Variants in WDR19 observed in about 807,000 individuals in gnomAD.
WDR19 encodes WD repeat-containing protein 19.
Under a neutral mutation model 180.0 loss-of-function variants are expected in WDR19, and 121 were observed. That is an observed-to-expected ratio of 0.67 (90% confidence interval 0.58 to 0.78). The LOEUF is 0.78. Ranked by LOEUF, WDR19 falls within the 30% of genes least tolerant of loss-of-function variation. The pLI is 0.00. For missense variants in WDR19, 1,450 were observed against 1,640.7 expected (o/e 0.88, Z 2.01); for synonymous variants, 497 against 540.7 (o/e 0.92, Z 1.12).
chr4:39,282,305 T>C (rs1736618498), intron 36 of WDR19, among the ~76,000 whole-genome samples: 1 of 152,250 alleles, frequency 6.6e-6, no homozygotes, highest in South Asian at 2.1e-4. Flanking sequence ...TTTTGAGAAC[T>C]GACATCTTTA....
chr4:39,274,636 C>T, intron 32 of WDR19, 172 bp from the exon 33 acceptor site: 2 of 704,840 alleles, frequency 2.8e-6, no homozygotes, highest in South Asian at 2.1e-5. Flanking sequence ...GTTAGCCTGA[C>T]CCCACAGCTA....
chr4:39,236,082 T>A (rs1409527269), intron 20 of WDR19, among the ~76,000 whole-genome samples: 4 of 152,186 alleles, frequency 2.6e-5, no homozygotes, highest in African/African-American at 9.7e-5. Flanking sequence ...TGGAGATTTC[T>A]CAAAGAACTA....
intron 5 of WDR19, among the ~76,000 whole-genome samples, chr4:39,195,366 C>CAAA (rs10710164): frequency 7.4e-6 from 1 of 135,632 alleles, no homozygotes; most frequent in Non-Finnish European, 1.6e-5. Context: ...GACTTCATCT[C>CAAA]AAAAAAAAAA....
At chr4:39,242,354 T>C (rs983999485) in intron 21 of WDR19, among the ~76,000 whole-genome samples, 3 of 152,170 alleles carry the variant, frequency 2.0e-5, no homozygotes, top group Non-Finnish European at 4.4e-5. Flanking sequence ...ACTCCTGACC[T>C]CAAGCCATCC....
chr4:39,182,602 C>A lies in WDR19; in HGVS notation c.6+39C>A, dbSNP rs1018725485. On this transcript the variant is annotated intron_variant, in intron 1 of 36. Transcript: ENST00000399820. Reference sequence around the variant, plus strand: ...AAATTCCCGGGGTGGGGCGGGAAAACGCGACTACTGGCCCTTGGTCGCTTT... The same window carrying A: ...AAATTCCCGGGGTGGGGCGGGAAAAAGCGACTACTGGCCCTTGGTCGCTTT... The A allele has an allele frequency of 7.4e-6, 12 of 1,613,152 alleles. No individual in the cohort carries two copies. The Admixed American group carries it at 1.5e-4, about 20-fold the overall frequency.
chr4:39,232,969 T>C (rs1731032107), intron 19 of WDR19, among the ~76,000 whole-genome samples: 1 of 152,206 alleles, frequency 6.6e-6, no homozygotes, highest in South Asian at 2.1e-4. Flanking sequence ...AGAGAACAGA[T>C]TGTGTAAATT....
intron 17 of WDR19, among the ~76,000 whole-genome samples, chr4:39,230,020 G>A (rs908543060): frequency 6.6e-6 from 1 of 152,252 alleles, no homozygotes; most frequent in African/African-American, 2.4e-5. Context: ...TGCTCTGTCT[G>A]CCAATAGCCT....
intron 5 of WDR19, among the ~76,000 whole-genome samples, chr4:39,199,081 G>C (rs1265806515): frequency 2.0e-5 from 3 of 152,140 alleles, no homozygotes; most frequent in African/African-American, 7.2e-5. Context: ...TGGGAGGATG[G>C]CTTGAGCCTG....
chr4:39,280,071 TGTATATGATTTGGAA>T (rs1400083321), intron 36 of WDR19, among the ~76,000 whole-genome samples: 4 of 151,386 alleles, frequency 2.6e-5, no homozygotes, highest in Non-Finnish European at 5.9e-5. Context: ...TTCTATATCA[TGTATATGATTTGGAA>T]GTATTTTTTT....
intron 3 of WDR19, among the ~76,000 whole-genome samples, chr4:39,188,164 C>A (rs1725753866): frequency 6.9e-6 from 1 of 145,104 alleles, no homozygotes; most frequent in Admixed American, 6.8e-5. Context: ...TATTTAATAC[C>A]AAGATGAAAA....
In WDR19 at chr4:39,265,222, A is replaced by G. The variant is rs140432638; in HGVS notation, c.3184-841A>G. On this transcript the variant is annotated intron_variant, in intron 28 of 36. Transcript: ENST00000399820. ...GCATGAGCCACCGTGCCTGGCCTGG[A>G]GATGACTTTTAAGTAAAGATTTCTA... Among the ~76,000 whole-genome samples, 760 of 151,654 alleles carry G rather than the reference A, an allele frequency of 5.0e-3. 14 individuals carry two copies. Among genetic ancestry groups the G allele is most frequent in the African/African-American group, 0.018 (733 of 41,406 alleles).
chr4:39,228,168 C>A, intron 15 of WDR19, 42 bp from the exon 16 acceptor site: 1 of 1,602,684 alleles, frequency 6.2e-7, no homozygotes, highest in Non-Finnish European at 8.5e-7. Flanking sequence ...GATAATGATT[C>A]AAGTACAGAC....
chr4:39,241,657 G>A (rs1046708696), intron 21 of WDR19, among the ~76,000 whole-genome samples: 1 of 151,776 alleles, frequency 6.6e-6, no homozygotes, highest in African/African-American at 2.4e-5. Flanking sequence ...TTAGCCAGGT[G>A]TGGTGGCACA....
chr4:39,262,708 A>G (rs1211839984), intron 28 of WDR19, among the ~76,000 whole-genome samples: 2 of 152,086 alleles, frequency 1.3e-5, no homozygotes, highest in African/African-American at 4.8e-5. Context: ...CCTCCCTAGA[A>G]TGGTCTAAGC....
At position 39,240,382 on chromosome 4, in the gene WDR19, T is replaced by G. The variant is rs370481802; in HGVS notation, c.2421+48T>G. The G allele has an allele frequency of 2.3e-4, 265 of 1,173,000 alleles. No homozygotes were observed. The African/African-American group carries it at 3.7e-3, about 16-fold the overall frequency. The allele number at this position is 1,173,000 out of a possible 1,614,324, so 72.7% of individuals were successfully genotyped here. On this transcript the variant is annotated intron_variant, in intron 21 of 36. Coordinates refer to ENST00000399820, the MANE Select transcript of WDR19 (RefSeq NM_025132.4). ...TATGCCTAATTATGTCTGGGTTTGT[T>G]TTCAGTTTCATTTTTAAAAATCATG...
At chr4:39,210,577 AG>A (rs1728390827) in intron 9 of WDR19, among the ~76,000 whole-genome samples, 1 of 152,080 alleles carries the variant, frequency 6.6e-6, no homozygotes, top group Admixed American at 6.6e-5. Flanking sequence ...CAGGAAGCTG[AG>A]GTGGGAGGAT....
rs755773822 is a variant in WDR19 at position 39,189,780 on chromosome 4, A to T, written c.289A>T (p.Arg97Trp). 4.4e-6 allele frequency: 7 copies of T among 1,594,274 alleles called. No homozygotes were observed. The South Asian group carries it at 8.2e-5, about 19-fold the overall frequency. ...NKTSQLDNGMRDQMSFLLWSK... is the reference protein window; with the variant it reads ...NKTSQLDNGMWDQMSFLLWSK... The stretch of plus-strand genomic sequence containing the variant: ...GACCAGCCAGTTAGACAATGGCATG[A>T]GGTAAGATAACTTTTTAATTTTTTA... Residue 97 changes from arginine to tryptophan, a missense_variant and splice_region_variant, in exon 4 of 37, where the codon AGG becomes TGG. Transcript: ENST00000399820.
At chr4:39,212,948 T>C (rs542254587) in intron 9 of WDR19, among the ~76,000 whole-genome samples, 1 of 152,254 alleles carries the variant, frequency 6.6e-6, no homozygotes, top group Admixed American at 6.5e-5. Flanking sequence ...GCAAAAGACA[T>C]AGATTTCACC....
At chr4:39,275,217 G>A (rs1359433661) in intron 33 of WDR19, 2 of 416,862 alleles carry the variant, frequency 4.8e-6, no homozygotes, top group East Asian at 5.5e-5. Context: ...GTGCACACCT[G>A]TAGTCCCAGC....
Sources: gnomAD v4.1 joint callset for allele counts (sites outside exome capture counted in the v4.1 genomes callset) on GRCh38, gnomAD v4.1.1 for gene constraint, MANE v1.5 for transcripts, NCBI Gene and HGNC (gene_info 2026-07-23, HGNC 2026-07-21) for gene names.